FNDC7: variants seen among roughly 807,000 people sequenced by gnomAD.
FNDC7 encodes the protein fibronectin type III domain containing 7.
Under a neutral mutation model 74.2 loss-of-function variants are expected in FNDC7, and 66 were observed. The ratio of observed to expected loss-of-function variants is 0.89; its 90% CI spans 0.73 to 1.09. The LOEUF is 1.09. Ranked by LOEUF, FNDC7 falls within the 50% of genes least tolerant of loss-of-function variation. The pLI, the probability that FNDC7 is intolerant of heterozygous loss-of-function variation, is 0.00. For missense variants in FNDC7, 829 were observed against 893.4 expected, an observed-to-expected ratio of 0.93 and a Z score of 0.92; for synonymous variants, 307 against 330.2, an observed-to-expected ratio of 0.93 and a Z score of 0.76.
In FNDC7 at chr1:108,730,771, A is replaced by G. The variant is rs756196111; in HGVS notation, c.1722A>G (p.Ala574=). ...TIGRVAQTHV[A]VLESHTGQSK... ...GGAGAGTGGCTCAAACCCATGTTGCAGTTCTGGAGTCACACACTGGACAGT... is the reference window on the plus strand; with the variant it reads ...GGAGAGTGGCTCAAACCCATGTTGCGGTTCTGGAGTCACACACTGGACAGT... The change falls in exon 9 of 13, where the codon GCA becomes GCG. Residue 574 remains alanine, a synonymous_variant. Coordinates refer to ENST00000370017, the MANE Select transcript of FNDC7 (RefSeq NM_001144937.3). 1.3e-5 allele frequency: 21 copies of G among 1,614,012 alleles called. No individual in the cohort carries two copies. The highest frequency in any genetic ancestry group is 1.0e-4 in the Admixed American group (6 of 60,006).
intron 2 of FNDC7, among the ~76,000 whole-genome samples, chr1:108,714,225 T>C (rs185572656): frequency 1.3e-5 from 2 of 152,214 alleles, no homozygotes; most frequent in Non-Finnish European, 2.9e-5. Context: ...TAAATTCTCA[T>C]AGTGATTCAA....
At chr1:108,740,053 C>T (rs1412682632) in intron 11 of FNDC7, among the ~76,000 whole-genome samples, 1 of 117,974 alleles carries the variant, frequency 8.5e-6, no homozygotes, top group Non-Finnish European at 1.9e-5. Flanking sequence ...AAAAAAAATC[C>T]CGCAAGGCCC....
chr1:108,730,827 T>C lies in FNDC7; in HGVS notation c.1778T>C (p.Leu593Pro). ...SKCHTHQNHC[L>P]LGCITCGINY... ...TGTCACACTCATCAAAACCACTGCCTCCTAGGATGCATCACATGTGGCATC... is the reference window on the plus strand; with the variant it reads ...TGTCACACTCATCAAAACCACTGCCCCCTAGGATGCATCACATGTGGCATC... The change falls in exon 9 of 13, where the codon CTC becomes CCC. Residue 593 changes from leucine to proline, a missense_variant. Coordinates refer to ENST00000370017, the MANE Select transcript of FNDC7 (RefSeq NM_001144937.3). 6.2e-7 allele frequency: 1 copy of C among 1,613,972 alleles called. No individual in the cohort carries two copies. Among genetic ancestry groups the C allele is most frequent in the Non-Finnish European group, 8.5e-7 (1 of 1,179,932 alleles).
intron 11 of FNDC7, among the ~76,000 whole-genome samples, chr1:108,739,644 C>G (rs1173781368): frequency 1.3e-5 from 2 of 152,204 alleles, no homozygotes; most frequent in East Asian, 3.8e-4. Flanking sequence ...GTATTAGAAT[C>G]TCCTGGACAG....
At chr1:108,739,126 AT>A (rs951451657) in intron 11 of FNDC7, among the ~76,000 whole-genome samples, 49 of 152,184 alleles carry the variant, frequency 3.2e-4, no homozygotes, top group African/African-American at 1.0e-3. Flanking sequence ...AAAAATAAAA[AT>A]GTAAAAATGT....
chr1:108,713,394 G>T, intron 1 of FNDC7, 117 bp from the exon 2 acceptor site: 2 of 833,506 alleles, frequency 2.4e-6, no homozygotes, highest in Non-Finnish European at 4.0e-6. Flanking sequence ...TTGAAAGACT[G>T]CTCACGTTAG....
rs536388984 is a variant in FNDC7, at chr1:108,733,146, A to G, written c.1880-126A>G. 3.4e-6 allele frequency: 4 copies of G among 1,190,962 alleles called. No individual in the cohort carries two copies. In the African/African-American group the frequency reaches 6.1e-5, roughly 18 times the overall value. 73.8% of individuals were successfully genotyped at this position (1,190,962 alleles called of 1,614,324 possible). ...ACCCCTTCAAATCTTGCTCTGATCT[A>G]ACCAGTAATTAATCCTGTTACTTAG... On this transcript the variant is annotated intron_variant, in intron 9 of 12. Coordinates refer to ENST00000370017, the MANE Select transcript of FNDC7 (RefSeq NM_001144937.3).
At chr1:108,721,995 C>T (rs1052433583) in intron 4 of FNDC7, among the ~76,000 whole-genome samples, 2 of 152,194 alleles carry the variant, frequency 1.3e-5, no homozygotes, top group Admixed American at 1.3e-4. Flanking sequence ...ATTTTAACTA[C>T]TTATTAAATA....
Position 108,730,810 on chromosome 1 carries a change from T to C in FNDC7, c.1761T>C (p.Thr587=), listed in dbSNP as rs199603182. 95 of 1,614,152 alleles carry C rather than the reference T, an allele frequency of 5.9e-5. No individual in the cohort carries two copies. In the Admixed American group the frequency reaches 1.5e-3, roughly 26 times the overall value. Residue 587 remains threonine, a synonymous_variant, in exon 9 of 13, where the codon ACT becomes ACC. Coordinates refer to ENST00000370017, the MANE Select transcript of FNDC7 (RefSeq NM_001144937.3). ...ACACTGGACAGTCTAAGTGTCACAC[T>C]CATCAAAACCACTGCCTCCTAGGAT... ...ESHTGQSKCH[T]HQNHCLLGCI...
At chr1:108,734,055 T>C (rs900602265) in intron 10 of FNDC7, among the ~76,000 whole-genome samples, 2 of 152,220 alleles carry the variant, frequency 1.3e-5, no homozygotes, top group African/African-American at 4.8e-5. Context: ...ATCTTCTCTG[T>C]CCCACTCTTC....
In FNDC7 at chr1:108,713,640, A is replaced by G. The variant is rs960040178; in HGVS notation, c.82+111A>G. 1.1e-5 allele frequency: 11 copies of G among 967,068 alleles called. No homozygotes were observed. The East Asian group carries it at 2.9e-4, about 25-fold the overall frequency. 59.9% of individuals were successfully genotyped at this position (967,068 alleles called of 1,614,324 possible). On this transcript the variant is annotated intron_variant, in intron 2 of 12. Transcript: ENST00000370017. Reference sequence around the variant, plus strand: ...AGGCTATATGAGAAAAAAAAATTCAATATTTTCTGAGCACTCACACTGGGT... The same window carrying G: ...AGGCTATATGAGAAAAAAAAATTCAGTATTTTCTGAGCACTCACACTGGGT...
intron 9 of FNDC7, among the ~76,000 whole-genome samples, chr1:108,731,646 AAC>A (rs1185032078): frequency 2.6e-5 from 4 of 152,246 alleles, no homozygotes; most frequent in African/African-American, 9.6e-5. Flanking sequence ...AAAGAGTCTT[AAC>A]TGGGAGTCAA....
At chr1:108,729,428 A>G (rs2101085313) in intron 8 of FNDC7, among the ~76,000 whole-genome samples, 1 of 152,328 alleles carries the variant, frequency 6.6e-6, no homozygotes, top group East Asian at 1.9e-4. Context: ...GGGCACCTAT[A>G]GTCCTGGCTA....
intron 10 of FNDC7, among the ~76,000 whole-genome samples, chr1:108,736,709 A>G (rs1661522838): frequency 6.6e-6 from 1 of 152,182 alleles, no homozygotes; most frequent in South Asian, 2.1e-4. Flanking sequence ...ATTTCAGCTT[A>G]GTAACATTAG....
At chr1:108,725,378 A>G (rs1008397257) in intron 5 of FNDC7, among the ~76,000 whole-genome samples, 30 of 152,264 alleles carry the variant, frequency 2.0e-4, no homozygotes, top group Admixed American at 5.2e-4. Flanking sequence ...ATTCCACTCA[A>G]GCCAGACTAG....
intron 6 of FNDC7, among the ~76,000 whole-genome samples, chr1:108,726,917 C>T (rs1315661243): frequency 2.0e-5 from 3 of 152,090 alleles, no homozygotes; most frequent in Admixed American, 2.0e-4. Flanking sequence ...TCCAGAGTGG[C>T]CTTGAACTGG....
intron 4 of FNDC7, among the ~76,000 whole-genome samples, chr1:108,720,749 A>T (rs1256455493): frequency 2.6e-5 from 4 of 152,262 alleles, no homozygotes; most frequent in Non-Finnish European, 5.9e-5. Flanking sequence ...ATATATGTGT[A>T]TCTGTGTCCA....
chr1:108,723,367 A>G (rs2101080750), intron 5 of FNDC7, among the ~76,000 whole-genome samples: 1 of 152,344 alleles, frequency 6.6e-6, no homozygotes, highest in African/African-American at 2.4e-5. Flanking sequence ...AAAGCCAAAG[A>G]AAATGTTGAC....
In FNDC7 at chr1:108,713,545, C is replaced by T. The variant is rs1660915597; in HGVS notation, c.82+16C>T. 6.5e-7 allele frequency: 1 copy of T among 1,539,788 alleles called. No homozygotes were observed. Among genetic ancestry groups the T allele is most frequent in the African/African-American group, 1.4e-5 (1 of 72,272 alleles). On this transcript the variant is annotated intron_variant, in intron 2 of 12. Coordinates refer to ENST00000370017, the MANE Select transcript of FNDC7 (RefSeq NM_001144937.3). Reference sequence around the variant, plus strand: ...GCAAAATCAGGTACAATTTTCTGACCTGCAAGTTTTTCCTTCTCGTATTTG... The same window carrying T: ...GCAAAATCAGGTACAATTTTCTGACTTGCAAGTTTTTCCTTCTCGTATTTG...
Sources: gnomAD v4.1 joint callset for allele counts (sites outside exome capture counted in the v4.1 genomes callset) on GRCh38, gnomAD v4.1.1 for gene constraint, MANE v1.5 for transcripts, NCBI Gene and HGNC (gene_info 2026-07-23, HGNC 2026-07-21) for gene names.